CENPK: variants seen among roughly 807,000 people sequenced by gnomAD.
CENPK encodes the protein centromere protein K, also known as SoxLZ/Sox6-binding protein Solt.
CENPK carries 46 observed loss-of-function variants against 40.9 expected under a neutral mutation model. The observed-to-expected ratio is 1.13, with a 90% CI of 0.89 to 1.44. The LOEUF is 1.44. Among genes scored for constraint, CENPK ranks in the 40% most tolerant of loss-of-function variants. The pLI, the probability that CENPK is intolerant of heterozygous loss-of-function variation, is 0.00. For missense variants in CENPK, 288 were observed against 303.5 expected (o/e 0.95, Z 0.38); for synonymous variants, 107 against 104.4 (o/e 1.02, Z -0.15).
chr5:65,526,096 G>A (rs564833756), intron 9 of CENPK, among the ~76,000 whole-genome samples: 3 of 151,982 alleles, frequency 2.0e-5, no homozygotes, highest in Non-Finnish European at 4.4e-5. Flanking sequence ...AAGAAGTGAG[G>A]TTATCAAATC....
In CENPK at chr5:65,517,876, T is replaced by C. The variant is rs1361828535; in HGVS notation, c.*599A>G. ...TAGCAGAATCAAGAGTAGATTAATA[T>C]ATAAGGTAACATGATATATTAATAA... On this transcript the variant is annotated 3_prime_UTR_variant, in exon 11 of 11. Coordinates refer to ENST00000396679, the MANE Select transcript of CENPK (RefSeq NM_022145.5). The C allele has an allele frequency of 1.3e-5, 2 of 152,060 alleles. No homozygotes were observed. Among genetic ancestry groups the C allele is most frequent in the African/African-American group, 2.4e-5 (1 of 41,452 alleles). The allele number at this position is 152,060 out of a possible 1,614,324, so 9.4% of individuals were successfully genotyped here. A position where few individuals can be genotyped will look rare whatever the true frequency, so the allele number is the denominator to read the frequency against.
chr5:65,548,535 C>T (rs558225312), intron 5 of CENPK, among the ~76,000 whole-genome samples: 1 of 152,076 alleles, frequency 6.6e-6, no homozygotes, highest in South Asian at 2.1e-4. Context: ...AAACATTTCT[C>T]GGTGGCATGA....
At chr5:65,504,899 G>A in the CENPK span, among the ~76,000 whole-genome samples, 3 of 152,106 alleles carry the variant, frequency 2.0e-5, no homozygotes, top group African/African-American at 7.2e-5. Context: ...GTGTATGGGT[G>A]GGAAAGATTT....
At chr5:65,512,067 C>A in the CENPK span, among the ~76,000 whole-genome samples, 6 of 152,150 alleles carry the variant, frequency 3.9e-5, no homozygotes, top group African/African-American at 1.4e-4. Flanking sequence ...AGTAACCACA[C>A]ATGTGGTAGA....
intron 1 of CENPK, among the ~76,000 whole-genome samples, chr5:65,562,576 A>G (rs557651619): frequency 6.6e-6 from 1 of 152,202 alleles, no homozygotes; most frequent in Non-Finnish European, 1.5e-5. Context: ...TTGATTTTTT[A>G]AAAAAGAGAT....
rs1293152372 is a variant in CENPK at position 65,563,120 on chromosome 5, G to A, written c.-164C>T. ...TACCATCACAGCGTCACAAACTCCA[G>A]GTCGCCTAGGCGCTGCGCAGGAAGC... On this transcript the variant is annotated 5_prime_UTR_variant, in exon 1 of 11. Transcript: ENST00000396679. 2 of 649,498 alleles carry A rather than the reference G, an allele frequency of 3.1e-6. No individual in the cohort carries two copies. The highest frequency in any genetic ancestry group is 5.1e-6 in the Non-Finnish European group (2 of 392,088). The allele number at this position is 649,498 out of a possible 1,614,324, so 40.2% of individuals were successfully genotyped here.
chr5:65,512,243 C>T, the CENPK span, among the ~76,000 whole-genome samples: 1 of 152,136 alleles, frequency 6.6e-6, no homozygotes, highest in Admixed American at 6.5e-5. Context: ...GTTGAAATGA[C>T]AAGAAAAGAT....
At chr5:65,514,812 A>G (rs572592259), downstream of CENPK, among the ~76,000 whole-genome samples, 1 of 152,276 alleles carries the variant, frequency 6.6e-6, no homozygotes, top group East Asian at 1.9e-4. Context: ...AAATTGGTCC[A>G]TTTCATCTGT....
At chr5:65,540,803 G>A (rs1278998241) in intron 6 of CENPK, among the ~76,000 whole-genome samples, 1 of 129,560 alleles carries the variant, frequency 7.7e-6, no homozygotes, top group East Asian at 2.1e-4. Context: ...CTGTTCAACT[G>A]TATCCTTTTT....
At chr5:65,521,332 T>G (rs1297670760) in intron 10 of CENPK, 143 bp downstream of exon 10, 1 of 629,870 alleles carries the variant, frequency 1.6e-6, no homozygotes, top group Non-Finnish European at 2.8e-6. Flanking sequence ...ATACCAAAGA[T>G]ATATTATTAC....
chr5:65,530,461 C>T (rs945328260), intron 6 of CENPK, among the ~76,000 whole-genome samples: 11 of 152,034 alleles, frequency 7.2e-5, no homozygotes, highest in African/African-American at 2.7e-4. Flanking sequence ...AAAGAATGTT[C>T]CAGGGAAAGG....
At chr5:65,506,799 T>C in the CENPK span, among the ~76,000 whole-genome samples, 1 of 151,530 alleles carries the variant, frequency 6.6e-6, no homozygotes, top group Non-Finnish European at 1.5e-5. Context: ...AAAAAAAAAG[T>C]CTTTTAAAAT....
chr5:65,502,815 TATTA>T, the CENPK span, among the ~76,000 whole-genome samples: 6 of 151,728 alleles, frequency 4.0e-5, no homozygotes, highest in African/African-American at 1.2e-4. Context: ...TTTATTTATT[TATTA>T]TTTTTTGAGA....
chr5:65,540,446 C>CAT (rs1293975422), intron 6 of CENPK, among the ~76,000 whole-genome samples: 9 of 152,098 alleles, frequency 5.9e-5, no homozygotes, highest in Admixed American at 5.9e-4. Flanking sequence ...GGTATCTTTT[C>CAT]ATATGCATGA....
intron 3 of CENPK, among the ~76,000 whole-genome samples, 185 bp from the exon 4 acceptor site, chr5:65,552,734 A>G (rs530698802): frequency 6.6e-6 from 1 of 152,054 alleles, no homozygotes; most frequent in African/African-American, 2.4e-5. Context: ...CCCAAGGTGA[A>G]TACATCACAA....
chr5:65,511,603 C>A, the CENPK span, among the ~76,000 whole-genome samples: 1 of 152,198 alleles, frequency 6.6e-6, no homozygotes, highest in South Asian at 2.1e-4. Context: ...TGTTAGGAAC[C>A]AGGTCACACC....
intron 2 of CENPK, among the ~76,000 whole-genome samples, chr5:65,558,916 G>A (rs572580929): frequency 2.0e-4 from 30 of 152,304 alleles, no homozygotes; most frequent in African/African-American, 7.0e-4. Context: ...TGAGCCAGGA[G>A]CTAAAAATCT....
chr5:65,534,166 T>C (rs933121445), intron 6 of CENPK, among the ~76,000 whole-genome samples: 5 of 151,916 alleles, frequency 3.3e-5, no homozygotes, highest in African/African-American at 9.7e-5. Context: ...GTGCAAGACC[T>C]GTATGCTGAA....
chr5:65,527,743 C>CA (rs901221520), intron 9 of CENPK, among the ~76,000 whole-genome samples: 1 of 151,448 alleles, frequency 6.6e-6, no homozygotes, highest in Non-Finnish European at 1.5e-5. Flanking sequence ...TTGTGAAAAG[C>CA]AAAAAACCAC....
Sources: allele counts gnomAD v4.1 joint callset (sites outside exome capture counted in the v4.1 genomes callset), GRCh38; gene constraint gnomAD v4.1.1; transcripts MANE v1.5; gene names NCBI Gene and HGNC (gene_info 2026-07-23, HGNC 2026-07-21).